The following PTPRD variants were observed in gnomAD, a reference collection of about 807,000 sequenced individuals.
PTPRD encodes the protein protein tyrosine phosphatase receptor type D.
In PTPRD, 34 loss-of-function variants were observed where a neutral mutation model predicts 214.5. That is an observed-to-expected ratio of 0.16 (90% CI 0.12 to 0.21). PTPRD has a LOEUF of 0.21. PTPRD is among the 10% of genes least tolerant of loss of function. The pLI, the probability that PTPRD is intolerant of heterozygous loss-of-function variation, is 1.00. For synonymous variants in PTPRD, 1,128 were observed against 845.7 expected (o/e 1.33, Z -5.79); for missense variants, 2,545 against 2,398.7 (o/e 1.06, Z -1.27).
intron 6 of PTPRD, among the ~76,000 whole-genome samples, chr9:9,749,435 C>G (rs751369298): frequency 1.3e-5 from 2 of 152,084 alleles, no homozygotes; most frequent in Non-Finnish European, 2.9e-5. Flanking sequence ...TGATTCCAGG[C>G]TCAGGAGGGG....
At chr9:10,186,223 G>C (rs2099329611) in intron 3 of PTPRD, among the ~76,000 whole-genome samples, 1 of 152,024 alleles carries the variant, frequency 6.6e-6, no homozygotes, top group East Asian at 1.9e-4. Flanking sequence ...CAACCTGAGA[G>C]TCAATTATTC....
At chr9:8,527,510 A>T (rs1214326605) in intron 15 of PTPRD, among the ~76,000 whole-genome samples, 157 bp from the exon 16 acceptor site, 1 of 152,018 alleles carries the variant, frequency 6.6e-6, no homozygotes, top group Non-Finnish European at 1.5e-5. Context: ...CAGAATGCTA[A>T]TCTACACAAT....
chr9:10,267,117 G>A (rs899653631), intron 3 of PTPRD, among the ~76,000 whole-genome samples: 1 of 151,246 alleles, frequency 6.6e-6, no homozygotes, highest in African/African-American at 2.4e-5. Flanking sequence ...CCTGAACTCG[G>A]GGGGCAGAGG....
chr9:10,571,018 T>C (rs912660066), intron 2 of PTPRD, among the ~76,000 whole-genome samples: 4 of 152,096 alleles, frequency 2.6e-5, no homozygotes, highest in Non-Finnish European at 5.9e-5. Flanking sequence ...ATGCTGCTGG[T>C]TTTTGTGGCA....
chr9:8,421,372 C>CTCT (rs1320344995), intron 35 of PTPRD, among the ~76,000 whole-genome samples: 6 of 147,642 alleles, frequency 4.1e-5, no homozygotes, highest in Admixed American at 2.7e-4. Context: ...CTCTTCTCTT[C>CTCT]TCTCTCTCTC....
rs1414783779 is a variant in PTPRD, at chr9:9,358,846, A to C, written c.-203+38603T>G. Among the ~76,000 whole-genome samples the C allele has an allele frequency of 2.0e-5, 3 of 151,316 alleles. 1 individual carries two copies. Among genetic ancestry groups the C allele is most frequent in the African/African-American group, 7.3e-5 (3 of 41,350 alleles). On this transcript the variant is annotated intron_variant, in intron 9 of 45. Coordinates refer to ENST00000381196, the MANE Select transcript of PTPRD (RefSeq NM_002839.4). ...TTCTTAATCGCATTCTTGTATAGGAAACTCAAGGCGAGACGAACCAACTCT... is the reference window on the plus strand; with the variant it reads ...TTCTTAATCGCATTCTTGTATAGGACACTCAAGGCGAGACGAACCAACTCT...
chr9:10,112,130 C>CT (rs2098696518), intron 3 of PTPRD, among the ~76,000 whole-genome samples: 1 of 152,198 alleles, frequency 6.6e-6, no homozygotes, highest in South Asian at 2.1e-4. Flanking sequence ...GCCCTAAGTG[C>CT]TTTTTTGTGT....
intron 3 of PTPRD, among the ~76,000 whole-genome samples, chr9:10,235,510 T>C (rs889166068): frequency 1.3e-5 from 2 of 151,956 alleles, no homozygotes; most frequent in African/African-American, 4.8e-5. Context: ...GCACATATTG[T>C]GGACAGATTT....
chr9:9,047,662 C>T (rs983978201), intron 10 of PTPRD, among the ~76,000 whole-genome samples: 3 of 152,026 alleles, frequency 2.0e-5, no homozygotes, highest in African/African-American at 7.2e-5. Context: ...ACAGTCTCTT[C>T]AATAAATGGT....
chr9:8,607,031 T>C (rs2051616079), intron 14 of PTPRD, among the ~76,000 whole-genome samples: 1 of 152,190 alleles, frequency 6.6e-6, no homozygotes, highest in African/African-American at 2.4e-5. Context: ...TACCTGGGGC[T>C]GCAGGGTTTG....
intron 2 of PTPRD, among the ~76,000 whole-genome samples, chr9:10,494,696 A>G (rs538043850): frequency 6.6e-6 from 1 of 150,636 alleles, no homozygotes; most frequent in East Asian, 1.9e-4. Flanking sequence ...ATTTTCTATT[A>G]CGGTATAAAT....
At chr9:10,457,997 G>T (rs1453313249) in intron 2 of PTPRD, among the ~76,000 whole-genome samples, 1 of 151,844 alleles carries the variant, frequency 6.6e-6, no homozygotes, top group Admixed American at 6.6e-5. Context: ...TTACAAAAGT[G>T]AATCAGGAAT....
intron 10 of PTPRD, among the ~76,000 whole-genome samples, chr9:9,052,804 A>G (rs1454719651): frequency 6.6e-6 from 1 of 152,196 alleles, no homozygotes; most frequent in South Asian, 2.1e-4. Flanking sequence ...ATGTCACTTG[A>G]GGCACTTGTT....
Position 10,523,622 on chromosome 9 carries a change from T to TATATATATATATATATAG in PTPRD, c.-600+88775_-600+88776insCTATATATATATATATAT, listed in dbSNP as rs554367559. Among the ~76,000 whole-genome samples the TATATATATATATATATAG allele has an allele frequency of 2.2e-4, 29 of 131,380 alleles. 1 individual carries two copies. The highest frequency in any genetic ancestry group is 7.6e-4 in the African/African-American group (27 of 35,612). 86.2% of individuals were successfully genotyped at this position (131,380 alleles called of 152,430 possible). On this transcript the variant is annotated intron_variant, in intron 2 of 45. Coordinates refer to ENST00000381196, the MANE Select transcript of PTPRD (RefSeq NM_002839.4). ...ATCTGTATATATATATATATATATA[T>TATATATATATATATATAG]AGACAGAAAGAAAGGGAGAGAGAGA...
chr9:9,878,496 G>A (rs140123906), intron 5 of PTPRD, among the ~76,000 whole-genome samples: 128 of 152,260 alleles, frequency 8.4e-4, no homozygotes, highest in Middle Eastern at 3.4e-3. Context: ...CATTATCCAG[G>A]AGGGGCAAAT....
chr9:9,885,605 A>C (rs1241916347), intron 5 of PTPRD, among the ~76,000 whole-genome samples: 1 of 152,062 alleles, frequency 6.6e-6, no homozygotes, highest in African/African-American at 2.4e-5. Flanking sequence ...AGTCCTTATA[A>C]GGGAAGGAGA....
intron 9 of PTPRD, among the ~76,000 whole-genome samples, chr9:9,334,901 T>C (rs573974200): frequency 1.3e-5 from 2 of 152,054 alleles, no homozygotes; most frequent in African/African-American, 2.4e-5. Context: ...TATGAGCATA[T>C]AATTCAAAAT....
At chr9:9,973,546 C>T (rs2095233132) in intron 4 of PTPRD, among the ~76,000 whole-genome samples, 1 of 151,870 alleles carries the variant, frequency 6.6e-6, no homozygotes, top group Admixed American at 6.6e-5. Context: ...CAGAAAATTG[C>T]CTTAATTCCT....
chr9:9,760,060 A>T (rs2098638089), intron 6 of PTPRD, among the ~76,000 whole-genome samples: 1 of 152,126 alleles, frequency 6.6e-6, no homozygotes, highest in South Asian at 2.1e-4. Flanking sequence ...CATTCAAGAT[A>T]ATGGATTTTC....
Sources: allele counts gnomAD v4.1 joint callset (sites outside exome capture counted in the v4.1 genomes callset), GRCh38; gene constraint gnomAD v4.1.1; transcripts MANE v1.5; gene names NCBI Gene and HGNC (gene_info 2026-07-23, HGNC 2026-07-21).